The following GNAO1 variants were observed in gnomAD, a reference collection of about 807,000 sequenced individuals.
The protein encoded by GNAO1 is G protein subunit alpha o1.
For missense variants in GNAO1, 166 were observed against 478.7 expected (o/e 0.35, Z 6.10); for synonymous variants, 164 against 180.7 (o/e 0.91, Z 0.74).
At chr16:56,324,262 T>C (rs1489383974) in intron 3 of GNAO1, among the ~76,000 whole-genome samples, 2 of 152,134 alleles carry the variant, frequency 1.3e-5, no homozygotes, top group Non-Finnish European at 2.9e-5. Flanking sequence ...CCGTCTTGAG[T>C]GTCCTCCTAC....
rs1453650478 is a variant in GNAO1 at position 56,191,996 on chromosome 16, C to G, written c.-240C>G. On this transcript the variant is annotated 5_prime_UTR_variant, in exon 1 of 9. Transcript: ENST00000262493. This position sits in a 1 kb window ranked among gnomAD's most constrained non-coding sequence, Gnocchi z 4.7. ...TCCGGAGCCCCAGACCCCGGCCACC[C>G]TCGATTCGACAACCCCAGACCCCTG... is the stretch of plus-strand genomic sequence containing the variant. 1 of 545,734 alleles carries G rather than the reference C, an allele frequency of 1.8e-6. No homozygotes were observed. The highest frequency in any genetic ancestry group is 3.2e-6 in the Non-Finnish European group (1 of 309,522). 33.8% of individuals were successfully genotyped at this position (545,734 alleles called of 1,614,324 possible).
intron 2 of GNAO1, among the ~76,000 whole-genome samples, chr16:56,195,395 T>C (rs2143284676): frequency 6.6e-6 from 1 of 152,322 alleles, no homozygotes; most frequent in South Asian, 2.1e-4. Context: ...AACCACAAAA[T>C]GTGGGATTGG....
At chr16:56,341,029 G>A (rs1302408601) in intron 6 of GNAO1, 18 of 1,562,928 alleles carry the variant, frequency 1.2e-5, no homozygotes, top group Non-Finnish European at 1.6e-5. Context: ...GAGGGAGCGG[G>A]CCCCGTTCCC....
chr16:56,215,186 C>T (rs747258320), intron 2 of GNAO1, among the ~76,000 whole-genome samples: 6 of 152,186 alleles, frequency 3.9e-5, no homozygotes, highest in Admixed American at 6.5e-5. Context: ...ATGGGGTGTT[C>T]CTCTGGAAGC....
rs557074471 is a variant in GNAO1, at chr16:56,316,350, C to T, written c.304-12281C>T. ...CCAGGATGGACACTGGCCTGCCCAC[C>T]AGGGGTAGGGCACCCCCTCATAGGC... On this transcript the variant is annotated intron_variant, in intron 3 of 8. Transcript: ENST00000262493. Among the ~76,000 whole-genome samples, 30 of 152,300 alleles carry T rather than the reference C, an allele frequency of 2.0e-4. No individual in the cohort carries two copies. The South Asian group carries it at 6.0e-3, about 31-fold the overall frequency.
intron 1 of GNAO1, 58 bp downstream of exon 1, chr16:56,192,411 C>T: frequency 1.8e-6 from 2 of 1,090,350 alleles, no homozygotes; most frequent in South Asian, 1.3e-5. Context: ...CACCCCCTGC[C>T]ACCAGCTCCC....
intron 2 of GNAO1, among the ~76,000 whole-genome samples, chr16:56,266,579 G>A (rs1005663148): frequency 2.6e-5 from 4 of 152,202 alleles, no homozygotes; most frequent in African/African-American, 2.4e-5. Context: ...AGGAGGGCCC[G>A]TGGCTTGGGA....
chr16:56,356,136 T>C lies in GNAO1; in HGVS notation c.*62T>C, dbSNP rs763484102. 10 of 152,640 alleles carry C rather than the reference T, an allele frequency of 6.6e-5. No homozygotes were observed. The highest frequency in any genetic ancestry group is 1.3e-4 in the Non-Finnish European group (9 of 68,050). The allele number at this position is 152,640 out of a possible 1,614,324, so 9.5% of individuals were successfully genotyped here. A position where few individuals can be genotyped will look rare whatever the true frequency, so the allele number is the denominator to read the frequency against. On this transcript the variant is annotated 3_prime_UTR_variant, in exon 9 of 9. Coordinates refer to ENST00000262493, the MANE Select transcript of GNAO1 (RefSeq NM_020988.3). ...ACGGACTCTTTGCTGTTGACGTTGATCTCCTGGTAGCATGACCTTTTGGCC... is the reference window on the plus strand; with the variant it reads ...ACGGACTCTTTGCTGTTGACGTTGACCTCCTGGTAGCATGACCTTTTGGCC...
At chr16:56,338,761 A>G (rs1255939350) in intron 6 of GNAO1, among the ~76,000 whole-genome samples, 1 of 152,254 alleles carries the variant, frequency 6.6e-6, no homozygotes, top group East Asian at 1.9e-4. Flanking sequence ...TGAGCCTAGC[A>G]GCCACAGGCC....
chr16:56,341,132 G>C (rs557657964), intron 6 of GNAO1: 1 of 695,910 alleles, frequency 1.4e-6, no homozygotes, highest in East Asian at 2.5e-5. Flanking sequence ...CCCCCAGATT[G>C]TGCTCTAGAG....
intron 4 of GNAO1, among the ~76,000 whole-genome samples, chr16:56,333,210 CT>C (rs71149663): frequency 9.2e-4 from 130 of 140,770 alleles, no homozygotes; most frequent in African/African-American, 1.1e-3. Flanking sequence ...TTCTTTTTTT[CT>C]TTTTTTTTTT....
At chr16:56,319,548 C>T (rs2037551107) in intron 3 of GNAO1, among the ~76,000 whole-genome samples, 1 of 152,120 alleles carries the variant, frequency 6.6e-6, no homozygotes, top group African/African-American at 2.4e-5. Context: ...GGAAGCAGCA[C>T]CCCTACCTGC....
intron 6 of GNAO1, chr16:56,345,122 T>G: frequency 1.0e-6 from 1 of 985,736 alleles, no homozygotes; most frequent in Non-Finnish European, 1.2e-6. Flanking sequence ...CGGAGATCCC[T>G]GAGCAGAAGG....
chr16:56,205,402 A>G (rs2036318094), intron 2 of GNAO1, among the ~76,000 whole-genome samples: 1 of 152,206 alleles, frequency 6.6e-6, no homozygotes, highest in South Asian at 2.1e-4. Context: ...GGAGATGGAC[A>G]AGCCTGAGGG....
intron 4 of GNAO1, among the ~76,000 whole-genome samples, chr16:56,331,234 C>T (rs1175293383): frequency 1.3e-5 from 2 of 152,170 alleles, no homozygotes; most frequent in African/African-American, 4.8e-5. Flanking sequence ...TGGTGCACCC[C>T]GGCCTCTGTG....
At chr16:56,336,474 A>T (rs1295406963) in intron 5 of GNAO1, 1 of 394,078 alleles carries the variant, frequency 2.5e-6, no homozygotes, top group Admixed American at 4.2e-5. Context: ...TGCTCCTCAG[A>T]TGCAAGGGCA....
chr16:56,321,770 G>T (rs2037573386), intron 3 of GNAO1, among the ~76,000 whole-genome samples: 1 of 152,170 alleles, frequency 6.6e-6, no homozygotes, highest in East Asian at 1.9e-4. Flanking sequence ...CTGCCACCTG[G>T]TAGCGGTCAC....
At chr16:56,343,329 AAATAATAAT>A (rs59805466) in intron 6 of GNAO1, among the ~76,000 whole-genome samples, 29 of 146,780 alleles carry the variant, frequency 2.0e-4, no homozygotes, top group African/African-American at 6.3e-4. Flanking sequence ...TCTGTATTAA[AAATAATAAT>A]AATAATAATA....
chr16:56,279,393 A>C (rs76402914), intron 3 of GNAO1, among the ~76,000 whole-genome samples: 2,106 of 151,810 alleles, frequency 0.014, 32 homozygotes, highest in South Asian at 0.052. Context: ...AACAGCAGGG[A>C]CCTCCTTACA....
Sources: allele counts gnomAD v4.1 joint callset (sites outside exome capture counted in the v4.1 genomes callset), GRCh38; gene constraint gnomAD v4.1.1; non-coding constraint Gnocchi (gnomAD v3.1); transcripts MANE v1.5; gene names NCBI Gene and HGNC (gene_info 2026-07-23, HGNC 2026-07-21).